CNNM4: variants seen among roughly 807,000 people sequenced by gnomAD.
CNNM4 encodes metal transporter CNNM4.
A neutral mutation model predicts 53.7 loss-of-function variants in CNNM4; 32 were observed. The observed-to-expected ratio is 0.60, with a 90% CI of 0.45 to 0.80. The LOEUF (loss-of-function observed/expected upper bound fraction) is 0.80, where lower values mean the gene tolerates loss of function less well. CNNM4 is among the 30% of genes least tolerant of loss of function. CNNM4 has a pLI of 0.00. For missense variants in CNNM4, 784 were observed against 1,022.0 expected, an observed-to-expected ratio of 0.77 and a Z score of 3.17; for synonymous variants, 410 against 440.0, an observed-to-expected ratio of 0.93 and a Z score of 0.85.
chr2:96,802,002 GAC>G (rs140972250), intron 5 of CNNM4, among the ~76,000 whole-genome samples: 1,794 of 137,056 alleles, frequency 0.013, 34 homozygotes, highest in African/African-American at 0.042. Context: ...CACACCCATG[GAC>G]ACACACACAC....
intron 1 of CNNM4, among the ~76,000 whole-genome samples, chr2:96,794,930 C>T (rs1178321747): frequency 1.3e-5 from 2 of 152,166 alleles, no homozygotes; most frequent in African/African-American, 4.8e-5. Flanking sequence ...ATCCAAAATC[C>T]CAAATGCTCC....
In CNNM4 at chr2:96,789,539, G is replaced by T. The variant is rs116656846; in HGVS notation, c.1403-7473G>T. Among the ~76,000 whole-genome samples the T allele has an allele frequency of 4.6e-5, 7 of 152,306 alleles. 1 individual carries two copies. In the South Asian group the frequency reaches 1.2e-3, roughly 27 times the overall value. On this transcript the variant is annotated intron_variant, in intron 1 of 6. Coordinates refer to ENST00000377075, the MANE Select transcript of CNNM4 (RefSeq NM_020184.4). Reference sequence around the variant, plus strand: ...GGAGGGCAGAGTGGGCAAGCATGCCGCCAGGCAAAGCCTGGAGAAGACAGT... The same window carrying T: ...GGAGGGCAGAGTGGGCAAGCATGCCTCCAGGCAAAGCCTGGAGAAGACAGT...
rs1481956360 is a variant in CNNM4 at position 96,800,028 on chromosome 2, G to A, written c.1948+380G>A. Reference sequence around the variant, plus strand: ...GAGTCTGAGCATCCAAAGTGACTGGGGTCAGGAGCCAGGCCAGGGCCTGTT... The same window carrying A: ...GAGTCTGAGCATCCAAAGTGACTGGAGTCAGGAGCCAGGCCAGGGCCTGTT... On this transcript the variant is annotated intron_variant, in intron 5 of 6. Transcript: ENST00000377075. The surrounding 1 kb of genome is among the most constrained non-coding windows in gnomAD (Gnocchi z 4.6). 6.6e-6 allele frequency among the ~76,000 whole-genome samples: 1 copy of A among 152,134 alleles called. No homozygotes were observed. The highest frequency in any genetic ancestry group is 1.5e-5 in the Non-Finnish European group (1 of 68,004).
intron 1 of CNNM4, among the ~76,000 whole-genome samples, chr2:96,769,475 G>T (rs1464255507): frequency 2.7e-5 from 4 of 147,912 alleles, no homozygotes; most frequent in Non-Finnish European, 5.9e-5. Flanking sequence ...TGAGGCAGGA[G>T]AATAGCTTGA....
At chr2:96,771,471 G>A (rs963107689) in intron 1 of CNNM4, among the ~76,000 whole-genome samples, 7 of 152,034 alleles carry the variant, frequency 4.6e-5, no homozygotes, top group African/African-American at 1.7e-4. Flanking sequence ...TTGGGAGGCC[G>A]AGGCGGGTGG....
intron 1 of CNNM4, among the ~76,000 whole-genome samples, chr2:96,783,541 G>C (rs1305874317): frequency 3.7e-4 from 57 of 152,250 alleles, no homozygotes. Flanking sequence ...CTTGCTTTCT[G>C]ACAGCCGTAG....
chr2:96,768,631 G>A (rs889244228), intron 1 of CNNM4, among the ~76,000 whole-genome samples: 8 of 152,130 alleles, frequency 5.3e-5, no homozygotes, highest in African/African-American at 1.4e-4. Context: ...AAAGGGGGAC[G>A]AAGAGACAGT....
intron 1 of CNNM4, among the ~76,000 whole-genome samples, chr2:96,783,790 G>A (rs1457458336): frequency 6.6e-6 from 1 of 152,198 alleles, no homozygotes; most frequent in East Asian, 1.9e-4. Context: ...GCCCAATGGG[G>A]ACTGGGATTG....
intron 1 of CNNM4, among the ~76,000 whole-genome samples, chr2:96,782,755 A>G (rs1368487755): frequency 6.6e-6 from 1 of 152,220 alleles, no homozygotes; most frequent in Non-Finnish European, 1.5e-5. Flanking sequence ...TAAGGGGAAA[A>G]AAAGCTAATT....
intron 1 of CNNM4, among the ~76,000 whole-genome samples, chr2:96,783,880 G>T (rs981574966): frequency 6.6e-6 from 1 of 152,078 alleles, no homozygotes. Flanking sequence ...AAAATACAAA[G>T]AATGTAAAGA....
At chr2:96,798,116 C>T (rs920639635) in intron 3 of CNNM4, among the ~76,000 whole-genome samples, 3 of 152,106 alleles carry the variant, frequency 2.0e-5, no homozygotes, top group Non-Finnish European at 2.9e-5. Context: ...GTCTGTGGTC[C>T]CAGCTACTCA....
rs1400554206 is a variant in CNNM4, at chr2:96,808,628, C to T, written c.2016C>T (p.Asp672=). The T allele has an allele frequency of 9.3e-6, 15 of 1,614,022 alleles. No individual in the cohort carries two copies. Among genetic ancestry groups the T allele is most frequent in the Admixed American group, 1.7e-5 (1 of 59,998 alleles). Reference sequence around the variant, plus strand: ...CCCTCAGTTACCCAGACCGCACAGACGTCTCAACTGCAGCAACCTTGGCAG... The same window carrying T: ...CCCTCAGTTACCCAGACCGCACAGATGTCTCAACTGCAGCAACCTTGGCAG... ...SASLSYPDRT[D]VSTAATLAGS... Residue 672 remains aspartate, a synonymous_variant, in exon 6 of 7, where the codon GAC becomes GAT. Coordinates refer to ENST00000377075, the MANE Select transcript of CNNM4 (RefSeq NM_020184.4). This position sits in a 1 kb window ranked among gnomAD's most constrained non-coding sequence, Gnocchi z 4.9.
At chr2:96,790,891 G>A (rs370483935) in intron 1 of CNNM4, among the ~76,000 whole-genome samples, 1 of 151,332 alleles carries the variant, frequency 6.6e-6, no homozygotes, top group Non-Finnish European at 1.5e-5. Flanking sequence ...AGGTTGAGGC[G>A]GGTGGATCAC....
chr2:96,788,101 TTAG>T (rs1274027282), intron 1 of CNNM4, among the ~76,000 whole-genome samples: 1 of 152,112 alleles, frequency 6.6e-6, no homozygotes, highest in African/African-American at 2.4e-5. Context: ...TTTTGTATTT[TTAG>T]TAGAGATGGG....
intron 5 of CNNM4, among the ~76,000 whole-genome samples, chr2:96,805,011 ATT>A (rs2079189136): frequency 6.6e-6 from 1 of 152,080 alleles, no homozygotes; most frequent in African/African-American, 2.4e-5. Flanking sequence ...AATAAAATAA[ATT>A]CAGTTGAAAA....
chr2:96,777,081 C>T (rs62152767), intron 1 of CNNM4, among the ~76,000 whole-genome samples: 10,562 of 151,328 alleles, frequency 0.07, 418 homozygotes, highest in Middle Eastern at 0.16. Flanking sequence ...AGTGTAATGG[C>T]GCAATCTCAG....
intron 1 of CNNM4, among the ~76,000 whole-genome samples, chr2:96,765,836 C>G (rs1290484176): frequency 9.9e-5 from 15 of 150,824 alleles, no homozygotes; most frequent in African/African-American, 2.7e-4. Flanking sequence ...CTCTCATTGC[C>G]CCGGCTGGAG....
At chr2:96,802,166 C>G (rs2079165805) in intron 5 of CNNM4, among the ~76,000 whole-genome samples, 1 of 151,298 alleles carries the variant, frequency 6.6e-6, no homozygotes, top group Admixed American at 6.6e-5. Flanking sequence ...ACAGATACAC[C>G]CATAGACACA....
At chr2:96,794,361 A>G (rs1327203204) in intron 1 of CNNM4, among the ~76,000 whole-genome samples, 1 of 152,112 alleles carries the variant, frequency 6.6e-6, no homozygotes, top group Non-Finnish European at 1.5e-5. Context: ...CTCCTCCCCA[A>G]ACTCCAAATA....
Sources: gnomAD v4.1 joint callset for allele counts (sites outside exome capture counted in the v4.1 genomes callset) on GRCh38, gnomAD v4.1.1 for gene constraint, Gnocchi (gnomAD v3.1) non-coding constraint, MANE v1.5 for transcripts, NCBI Gene and HGNC (gene_info 2026-07-23, HGNC 2026-07-21) for gene names.